The following DLEU7 variants were observed in gnomAD, a reference collection of about 807,000 sequenced individuals.
The protein encoded by DLEU7 is deleted in lymphocytic leukemia 7, also known as leukemia-associated protein 7.
A neutral mutation model predicts 16.0 loss-of-function variants in DLEU7; 17 were observed. The ratio of observed to expected loss-of-function variants is 1.06; its 90% CI spans 0.73 to 1.59. The LOEUF (loss-of-function observed/expected upper bound fraction) is 1.59. DLEU7 is among the 40% of genes most tolerant of loss of function. The pLI is 0.00. For synonymous variants in DLEU7, 113 were observed against 139.8 expected, an observed-to-expected ratio of 0.81 and a Z score of 1.35; for missense variants, 308 against 314.9, an observed-to-expected ratio of 0.98 and a Z score of 0.17.
chr13:50,724,305 A>G (rs1873705159), intron 1 of DLEU7, among the ~76,000 whole-genome samples: 1 of 152,178 alleles, frequency 6.6e-6, no homozygotes, highest in South Asian at 2.1e-4. Context: ...CCAGTGTTCT[A>G]TTTATTAACT....
At chr13:50,768,970 C>T (rs201685754) in intron 1 of DLEU7, among the ~76,000 whole-genome samples, 9 of 152,228 alleles carry the variant, frequency 5.9e-5, no homozygotes, top group Admixed American at 2.6e-4. Flanking sequence ...TTTAAATGAT[C>T]GCCATTCTAA....
chr13:50,772,675 C>A (rs1162406787), intron 1 of DLEU7, among the ~76,000 whole-genome samples: 1 of 152,158 alleles, frequency 6.6e-6, no homozygotes, highest in Non-Finnish European at 1.5e-5. Context: ...GTAACCCGAC[C>A]TTTCTCTCTG....
At chr13:50,833,487 T>C (rs1877345704) in intron 1 of DLEU7, among the ~76,000 whole-genome samples, 1 of 152,158 alleles carries the variant, frequency 6.6e-6, no homozygotes, top group Non-Finnish European at 1.5e-5. Context: ...TTACAAGGGA[T>C]GTGAAGGACC....
At chr13:50,775,942 G>A (rs75825215) in intron 1 of DLEU7, among the ~76,000 whole-genome samples, 3,298 of 152,074 alleles carry the variant, frequency 0.022, 62 homozygotes, top group Middle Eastern at 0.061. Flanking sequence ...CTTTGTTTTG[G>A]TGACTATTTA....
At chr13:50,733,028 A>T (rs1446074170) in intron 1 of DLEU7, among the ~76,000 whole-genome samples, 1 of 152,202 alleles carries the variant, frequency 6.6e-6, no homozygotes, top group Non-Finnish European at 1.5e-5. Context: ...ACGCACACGC[A>T]TGTATGCGCA....
At chr13:50,745,297 A>C (rs1349315102) in intron 1 of DLEU7, among the ~76,000 whole-genome samples, 2 of 152,228 alleles carry the variant, frequency 1.3e-5, no homozygotes, top group Non-Finnish European at 2.9e-5. Flanking sequence ...GTTAAGTGAA[A>C]TAAACTGGTC....
At chr13:50,712,067 G>A (rs1326577878) in exon 2 of DLEU7, 1 of 152,118 alleles carries the variant, frequency 6.6e-6, no homozygotes, top group East Asian at 1.9e-4. Flanking sequence ...TCATTGATTA[G>A]CCTTACAGTA....
chr13:50,804,175 C>T (rs1876326138), intron 1 of DLEU7, among the ~76,000 whole-genome samples: 1 of 151,740 alleles, frequency 6.6e-6, no homozygotes, highest in Non-Finnish European at 1.5e-5. Flanking sequence ...TATTTTTTCC[C>T]CTGAATTTTC....
chr13:50,841,654 C>G (rs1258634925), intron 1 of DLEU7, among the ~76,000 whole-genome samples: 3 of 150,990 alleles, frequency 2.0e-5, no homozygotes, highest in Non-Finnish European at 4.4e-5. Context: ...CACTTGAGCC[C>G]AGGGCTCGAG....
At chr13:50,740,132 C>T (rs559070182) in intron 1 of DLEU7, among the ~76,000 whole-genome samples, 5 of 152,134 alleles carry the variant, frequency 3.3e-5, no homozygotes, top group Non-Finnish European at 7.4e-5. Flanking sequence ...AAGGTGCTTA[C>T]ACATTTTTTT....
At chr13:50,829,972 T>C (rs1038866440) in intron 1 of DLEU7, among the ~76,000 whole-genome samples, 1 of 152,216 alleles carries the variant, frequency 6.6e-6, no homozygotes, top group Non-Finnish European at 1.5e-5. Context: ...ATATTGGTGA[T>C]GATTTCACTT....
At chr13:50,740,506 C>T (rs1874225128) in intron 1 of DLEU7, among the ~76,000 whole-genome samples, 2 of 152,134 alleles carry the variant, frequency 1.3e-5, no homozygotes, top group Admixed American at 6.5e-5. Flanking sequence ...CATTGCTAAT[C>T]ACTTACAGAA....
At chr13:50,788,921 G>A (rs1875867755) in intron 1 of DLEU7, among the ~76,000 whole-genome samples, 1 of 152,142 alleles carries the variant, frequency 6.6e-6, no homozygotes, top group Non-Finnish European at 1.5e-5. Flanking sequence ...TAAACCCAGA[G>A]CGGGAGCCTG....
intron 1 of DLEU7, chr13:50,715,339 A>T (rs963918099): frequency 6.6e-6 from 1 of 152,280 alleles, no homozygotes; most frequent in African/African-American, 2.4e-5. Flanking sequence ...GTTGCCGTGT[A>T]ATGTAAGCTA....
chr13:50,739,001 ACACG>A (rs1172598516), intron 1 of DLEU7, among the ~76,000 whole-genome samples: 177 of 87,838 alleles, frequency 2.0e-3, no homozygotes, highest in African/African-American at 7.4e-3. Context: ...ACACACACAC[ACACG>A]CACACACACA....
chr13:50,725,520 G>A (rs75631177), intron 1 of DLEU7, among the ~76,000 whole-genome samples: 6,623 of 152,248 alleles, frequency 0.044, 186 homozygotes, highest in Non-Finnish European at 0.06. Context: ...CCTAGGGCTT[G>A]TGGAATTAGC....
At chr13:50,776,397 T>A (rs1875495616) in intron 1 of DLEU7, among the ~76,000 whole-genome samples, 1 of 152,254 alleles carries the variant, frequency 6.6e-6, no homozygotes, top group African/African-American at 2.4e-5. Flanking sequence ...AGCTTCAGGA[T>A]TCCTGCACCT....
chr13:50,826,915 A>G (rs1877104421), intron 1 of DLEU7, among the ~76,000 whole-genome samples: 1 of 152,130 alleles, frequency 6.6e-6, no homozygotes, highest in Admixed American at 6.5e-5. Context: ...CTACCAAACT[A>G]TCATTTAAAA....
downstream of DLEU7, among the ~76,000 whole-genome samples, chr13:50,819,096 C>T (rs986481108): frequency 6.6e-6 from 1 of 152,054 alleles, no homozygotes; most frequent in African/African-American, 2.4e-5. Flanking sequence ...AAATTCAGGC[C>T]ATTGTGAGAG....
Sources: gnomAD v4.1 joint callset for allele counts (sites outside exome capture counted in the v4.1 genomes callset) on GRCh38, gnomAD v4.1.1 for gene constraint, MANE v1.5 for transcripts, NCBI Gene and HGNC (gene_info 2026-07-23, HGNC 2026-07-21) for gene names.